The following CNKSR2 variants were observed in gnomAD, a reference collection of about 807,000 sequenced individuals.
CNKSR2 encodes connector enhancer of kinase suppressor of Ras 2, also known as CNK homolog protein 2.
A neutral mutation model predicts 84.4 loss-of-function variants in CNKSR2; 14 were observed. That is an observed-to-expected ratio of 0.17 (90% CI 0.11 to 0.26). CNKSR2 has a LOEUF of 0.26. Among genes scored for constraint, CNKSR2 ranks in the 10% least tolerant of loss-of-function variants. The pLI, the probability that CNKSR2 is intolerant of heterozygous loss-of-function variation, is 1.00. For missense variants in CNKSR2, 485 were observed against 771.2 expected, an observed-to-expected ratio of 0.63 and a Z score of 4.40; for synonymous variants, 275 against 277.9, an observed-to-expected ratio of 0.99 and a Z score of 0.10.
chrX:21,512,571 A>G (rs1331108629), intron 8 of CNKSR2, among the ~76,000 whole-genome samples: 2 of 111,311 alleles, frequency 1.8e-5, no homozygotes, highest in Non-Finnish European at 3.8e-5. Context: ...AAAAGACTAG[A>G]AGCAGAAAGA....
At chrX:21,396,461 C>A (rs192101965) in intron 1 of CNKSR2, among the ~76,000 whole-genome samples, 2 of 110,471 alleles carry the variant, frequency 1.8e-5, no homozygotes, top group African/African-American at 6.6e-5. Flanking sequence ...AGTACAAGTA[C>A]AACCTTTAAG....
chrX:21,642,414 G>C, intron 20 of CNKSR2: 1 of 751,260 alleles, frequency 1.3e-6, no homozygotes, highest in Non-Finnish European at 1.6e-6. Context: ...TTTCATTTTT[G>C]AAAAGTATTT....
chrX:21,402,975 T>C (rs1198194531), intron 1 of CNKSR2, among the ~76,000 whole-genome samples: 1 of 111,257 alleles, frequency 9.0e-6, no homozygotes, highest in Non-Finnish European at 1.9e-5. Context: ...TCTCAGATCA[T>C]TGGGGAAAAG....
rs2092294032 is a variant in CNKSR2, at chrX:21,572,936, A to T, written c.1608+9484A>T. Among the ~76,000 whole-genome samples the T allele has an allele frequency of 2.7e-5, 3 of 111,826 alleles. No homozygotes were observed. In the South Asian group the frequency reaches 1.1e-3, roughly 42 times the overall value. On this transcript the variant is annotated intron_variant, in intron 13 of 21. Transcript: ENST00000379510. ...CATTAACTCAAAAGTCCAAGTCCAAAGTCTTACCTGAGACAAGGCAAGTCC... is the reference window on the plus strand; with the variant it reads ...CATTAACTCAAAAGTCCAAGTCCAATGTCTTACCTGAGACAAGGCAAGTCC...
intron 3 of CNKSR2, among the ~76,000 whole-genome samples, chrX:21,440,428 T>G (rs2090768919): frequency 9.0e-6 from 1 of 111,632 alleles, no homozygotes; most frequent in Non-Finnish European, 1.9e-5. Flanking sequence ...TGAAGATACC[T>G]TGTAAGAACC....
At chrX:21,621,252 A>G (rs2092600305) in intron 20 of CNKSR2, among the ~76,000 whole-genome samples, 1 of 111,432 alleles carries the variant, frequency 9.0e-6, no homozygotes, top group Non-Finnish European at 1.9e-5. Context: ...TGTTAACATG[A>G]TTACATTAGT....
At chrX:21,515,613 A>C (rs1335238570) in intron 8 of CNKSR2, among the ~76,000 whole-genome samples, 1 of 111,724 alleles carries the variant, frequency 9.0e-6, no homozygotes, top group African/African-American at 3.2e-5. Flanking sequence ...CATAGTTTCT[A>C]GGATTTCAGT....
chrX:21,503,394 C>T, intron 8 of CNKSR2: 2 of 291,544 alleles, frequency 6.9e-6, no homozygotes, highest in Non-Finnish European at 1.2e-5. Context: ...ATAGCTAACA[C>T]TTATTGTGTT....
At chrX:21,617,867 C>CTGTATA (rs1444827226) in intron 20 of CNKSR2, among the ~76,000 whole-genome samples, 1 of 108,573 alleles carries the variant, frequency 9.2e-6, no homozygotes, top group Non-Finnish European at 1.9e-5. Flanking sequence ...ATGGCATTGG[C>CTGTATA]TGTATATGCA....
intron 12 of CNKSR2, among the ~76,000 whole-genome samples, chrX:21,562,205 G>A (rs1418829043): frequency 1.8e-5 from 2 of 110,952 alleles, no homozygotes; most frequent in African/African-American, 6.5e-5. Flanking sequence ...AATAGGATTT[G>A]ATCAAGTGTG....
At chrX:21,499,135 T>A (rs761050936) in intron 7 of CNKSR2, among the ~76,000 whole-genome samples, 1 of 111,692 alleles carries the variant, frequency 9.0e-6, no homozygotes, top group Non-Finnish European at 1.9e-5. Flanking sequence ...ATTATGAAGA[T>A]TTTAACAATT....
At chrX:21,418,313 A>G (rs1413756731) in intron 1 of CNKSR2, among the ~76,000 whole-genome samples, 1 of 111,760 alleles carries the variant, frequency 8.9e-6, no homozygotes, top group Non-Finnish European at 1.9e-5. Context: ...TTAGGATAAA[A>G]GGAATTTACA....
chrX:21,521,128 A>G (rs1476115540), intron 9 of CNKSR2, among the ~76,000 whole-genome samples: 1 of 110,394 alleles, frequency 9.1e-6, no homozygotes, highest in Non-Finnish European at 1.9e-5. Flanking sequence ...ATAAAATTTA[A>G]TATTCAAGTT....
Position 21,589,777 on chromosome X carries a change from C to T in CNKSR2, c.1609-795C>T, listed in dbSNP as rs370248643. 1.0e-3 allele frequency among the ~76,000 whole-genome samples: 112 copies of T among 111,043 alleles called. 1 individual carries two copies. In the South Asian group the frequency reaches 0.04, roughly 40 times the overall value. On this transcript the variant is annotated intron_variant, in intron 13 of 21. Transcript: ENST00000379510. Reference sequence around the variant, plus strand: ...GATGCAGCGAGCATGGTCAAGGGAACGATTATAATGGTATCCCATGGAAAC... The same window carrying T: ...GATGCAGCGAGCATGGTCAAGGGAATGATTATAATGGTATCCCATGGAAAC...
At chrX:21,613,939 CAAA>C in intron 20 of CNKSR2, among the ~76,000 whole-genome samples, 1 of 50,213 alleles carries the variant, frequency 2.0e-5, no homozygotes, top group Non-Finnish European at 3.9e-5. Context: ...ACTCTGTCTC[CAAA>C]AAAAAAAAAA....
chrX:21,566,818 A>G (rs957244647), intron 13 of CNKSR2, among the ~76,000 whole-genome samples: 2 of 111,852 alleles, frequency 1.8e-5, no homozygotes, highest in African/African-American at 6.5e-5. Context: ...CCCAATAAAA[A>G]TACACAAAGC....
chrX:21,539,756 T>A (rs1463453154), intron 11 of CNKSR2, among the ~76,000 whole-genome samples: 5 of 111,452 alleles, frequency 4.5e-5, no homozygotes, highest in Non-Finnish European at 9.4e-5. Context: ...CCATATGATA[T>A]CTTTGTCTAT....
chrX:21,576,696 A>G lies in CNKSR2; in HGVS notation c.1608+13244A>G, dbSNP rs1301518163. 3.6e-5 allele frequency among the ~76,000 whole-genome samples: 4 copies of G among 111,633 alleles called. No homozygotes were observed. The South Asian group carries it at 1.5e-3, about 42-fold the overall frequency. On this transcript the variant is annotated intron_variant, in intron 13 of 21. Coordinates refer to ENST00000379510, the MANE Select transcript of CNKSR2 (RefSeq NM_014927.5). ...TCACTACAACCCTCATAGACATTAAAAGAATACTAAAGAAATACAACTCTG... is the reference window on the plus strand; with the variant it reads ...TCACTACAACCCTCATAGACATTAAGAGAATACTAAAGAAATACAACTCTG...
At chrX:21,642,508 T>A (rs2092694918) in intron 20 of CNKSR2, 1 of 750,243 alleles carries the variant, frequency 1.3e-6, no homozygotes, top group African/African-American at 2.3e-5. Context: ...ATATTGCTTA[T>A]TTTTCTTCTG....
Sources: allele counts gnomAD v4.1 joint callset (sites outside exome capture counted in the v4.1 genomes callset), GRCh38; gene constraint gnomAD v4.1.1; transcripts MANE v1.5; gene names NCBI Gene and HGNC (gene_info 2026-07-23, HGNC 2026-07-21).